MTUS2: variants seen among roughly 807,000 people sequenced by gnomAD.
MTUS2 encodes the protein microtubule-associated tumor suppressor candidate 2.
A neutral mutation model predicts 114.1 loss-of-function variants in MTUS2; 40 were observed. That is an observed-to-expected ratio of 0.35 (90% CI 0.27 to 0.46). MTUS2 has a LOEUF of 0.46. MTUS2 is among the 20% of genes least tolerant of loss of function. The pLI is 1.00. For synonymous variants in MTUS2, 688 were observed against 672.0 expected, an observed-to-expected ratio of 1.02 and a Z score of -0.37; for missense variants, 1,679 against 1,705.4, an observed-to-expected ratio of 0.98 and a Z score of 0.27.
chr13:29,042,754 A>G (rs1887430418), intron 4 of MTUS2, among the ~76,000 whole-genome samples: 1 of 152,124 alleles, frequency 6.6e-6, no homozygotes, highest in South Asian at 2.1e-4. Context: ...ATGTGCATGC[A>G]AAGGTGTTCA....
chr13:29,245,663 A>G (rs2139411682), intron 5 of MTUS2, among the ~76,000 whole-genome samples: 1 of 151,844 alleles, frequency 6.6e-6, no homozygotes, highest in East Asian at 1.9e-4. Context: ...CTGGATTTTA[A>G]TAGGGTCTTG....
At chr13:29,273,114 C>A (rs1474880558) in intron 5 of MTUS2, among the ~76,000 whole-genome samples, 1 of 152,176 alleles carries the variant, frequency 6.6e-6, no homozygotes, top group Non-Finnish European at 1.5e-5. Flanking sequence ...ATCACATTGG[C>A]AACATCTGAA....
At chr13:29,106,695 C>G (rs1321866899) in intron 5 of MTUS2, among the ~76,000 whole-genome samples, 1 of 152,144 alleles carries the variant, frequency 6.6e-6, no homozygotes, top group African/African-American at 2.4e-5. Context: ...GTTCACTCAT[C>G]ATTTCTGGTG....
intron 6 of MTUS2, among the ~76,000 whole-genome samples, chr13:29,296,450 A>G (rs749500646): frequency 3.3e-5 from 5 of 151,960 alleles, no homozygotes; most frequent in African/African-American, 7.3e-5. Flanking sequence ...GGCTCAAGCA[A>G]TCCTCCCACC....
chr13:29,032,386 A>G (rs540669818), intron 3 of MTUS2, among the ~76,000 whole-genome samples: 2 of 152,332 alleles, frequency 1.3e-5, no homozygotes, highest in East Asian at 3.9e-4. Context: ...TGACAGATGT[A>G]GTTTGGAAAT....
intron 4 of MTUS2, among the ~76,000 whole-genome samples, chr13:29,041,889 T>C (rs145779453): frequency 6.6e-6 from 1 of 152,294 alleles, no homozygotes; most frequent in East Asian, 1.9e-4. Flanking sequence ...GTTTTCTAGG[T>C]ACACCATTAT....
At chr13:28,987,660 T>C (rs1285429748) in intron 2 of MTUS2, among the ~76,000 whole-genome samples, 1 of 152,146 alleles carries the variant, frequency 6.6e-6, no homozygotes, top group Non-Finnish European at 1.5e-5. Flanking sequence ...TCCCAGCTGA[T>C]TGCTGCTGGG....
chr13:29,501,016 C>A, intron 14 of MTUS2, 81 bp from the exon 15 acceptor site: 1 of 1,055,072 alleles, frequency 9.5e-7, no homozygotes, highest in Non-Finnish European at 1.4e-6. Context: ...GATAATCCTC[C>A]AATGCCCAGA....
intron 5 of MTUS2, among the ~76,000 whole-genome samples, chr13:29,221,095 C>T (rs1178111657): frequency 6.6e-6 from 1 of 152,120 alleles, no homozygotes; most frequent in Non-Finnish European, 1.5e-5. Flanking sequence ...CCCTAATGCC[C>T]CATGTCACCC....
intron 2 of MTUS2, among the ~76,000 whole-genome samples, chr13:28,984,039 T>C (rs563843455): frequency 1.3e-5 from 2 of 152,310 alleles, no homozygotes; most frequent in East Asian, 3.9e-4. Context: ...CTATGTTCAG[T>C]GGGCTTGACA....
At chr13:29,459,080 C>T (rs925379275) in intron 9 of MTUS2, among the ~76,000 whole-genome samples, 3 of 151,636 alleles carry the variant, frequency 2.0e-5, no homozygotes, top group Non-Finnish European at 3.0e-5. Context: ...AAGTTGCACA[C>T]GTCACTTCTT....
intron 2 of MTUS2, among the ~76,000 whole-genome samples, chr13:28,996,126 A>G (rs1439545263): frequency 6.6e-6 from 1 of 152,142 alleles, no homozygotes; most frequent in Non-Finnish European, 1.5e-5. Context: ...GAATTTTGTC[A>G]AAGGCCTTTT....
At chr13:29,085,357 G>A (rs758964154) in intron 4 of MTUS2, among the ~76,000 whole-genome samples, 8 of 152,204 alleles carry the variant, frequency 5.3e-5, no homozygotes, top group Non-Finnish European at 1.0e-4. Context: ...TGTCACTGAA[G>A]TTTGATGTAC....
chr13:29,340,501 G>C (rs1901338082), intron 7 of MTUS2, among the ~76,000 whole-genome samples: 1 of 152,094 alleles, frequency 6.6e-6, no homozygotes, highest in African/African-American at 2.4e-5. Context: ...TTGCAATTTT[G>C]CTCTTAAGAA....
chr13:28,837,765 T>C lies in MTUS2; in HGVS notation c.-315-2013T>C, dbSNP rs1593234935. 2.6e-5 allele frequency among the ~76,000 whole-genome samples: 4 copies of C among 152,316 alleles called. 1 individual carries two copies. The highest frequency in any genetic ancestry group is 2.6e-4 in the Admixed American group (4 of 15,302). ...TTATAATAATAATGACAATTTTCTT[T>C]TTTTTTCTGTTACAATTAGTACTAT... On this transcript the variant is annotated intron_variant, in intron 1 of 15. Coordinates refer to ENST00000612955, the MANE Select transcript of MTUS2 (RefSeq NM_001033602.4).
intron 5 of MTUS2, among the ~76,000 whole-genome samples, chr13:29,271,023 T>TAA (rs1268660514): frequency 1.3e-5 from 2 of 152,234 alleles, no homozygotes; most frequent in Non-Finnish European, 2.9e-5. Flanking sequence ...AAAGTAAAAT[T>TAA]AGAAATTTAA....
At chr13:29,497,378 G>T in intron 13 of MTUS2, 42 bp downstream of exon 13, 2 of 1,554,302 alleles carry the variant, frequency 1.3e-6, no homozygotes, top group Non-Finnish European at 1.8e-6. Context: ...CAGGAACCCC[G>T]CCCCAGCAAG....
At chr13:29,426,559 C>G (rs1267392699) in intron 8 of MTUS2, among the ~76,000 whole-genome samples, 2 of 152,194 alleles carry the variant, frequency 1.3e-5, no homozygotes, top group African/African-American at 4.8e-5. Flanking sequence ...CCTTGGCAGC[C>G]ACCATTCCAC....
intron 2 of MTUS2, among the ~76,000 whole-genome samples, chr13:28,977,691 T>A (rs1436137090): frequency 2.0e-5 from 3 of 152,124 alleles, no homozygotes; most frequent in Non-Finnish European, 2.9e-5. Flanking sequence ...CAAAATAATT[T>A]AAAAATTTTC....
Sources: gnomAD v4.1 joint callset for allele counts (sites outside exome capture counted in the v4.1 genomes callset) on GRCh38, gnomAD v4.1.1 for gene constraint, MANE v1.5 for transcripts, NCBI Gene and HGNC (gene_info 2026-07-23, HGNC 2026-07-21) for gene names.